Variants in NDUFB6 observed in about 807,000 individuals in gnomAD.
NDUFB6 encodes the protein NADH:ubiquinone oxidoreductase subunit B6.
NDUFB6 carries 23 observed loss-of-function variants against 17.5 expected under a neutral mutation model. The observed-to-expected ratio is 1.31, with a 90% CI of 0.94 to 1.86. The LOEUF is 1.86. NDUFB6 is among the 40% of genes most tolerant of loss of function. The pLI is 0.00. For synonymous variants in NDUFB6, 60 were observed against 53.5 expected (o/e 1.12, Z -0.53); for missense variants, 167 against 153.8 (o/e 1.09, Z -0.46).
At position 32,566,905 on chromosome 9, in the gene NDUFB6, C is replaced by T. The variant is rs190703497; in HGVS notation, c.273+4055G>A. 1,135 of 559,866 alleles carry T rather than the reference C, an allele frequency of 2.0e-3. 2 individuals are homozygous for T. Among genetic ancestry groups the T allele is most frequent in the Non-Finnish European group, 3.3e-3 (1,005 of 301,246 alleles). The allele number at this position is 559,866 out of a possible 1,614,324, so 34.7% of individuals were successfully genotyped here. Reference sequence around the variant, plus strand: ...CTGGCGAAAAGCACTGAGGAAGCACCCGATGTCACTCACATAGCCCTGCCA... The same window carrying T: ...CTGGCGAAAAGCACTGAGGAAGCACTCGATGTCACTCACATAGCCCTGCCA... On this transcript the variant is annotated intron_variant, in intron 2 of 3. Transcript: ENST00000379847.
intron 3 of NDUFB6, among the ~76,000 whole-genome samples, chr9:32,556,091 G>T (rs78722312): frequency 1.5e-4 from 4 of 27,530 alleles, no homozygotes; most frequent in Non-Finnish European, 3.9e-4. Context: ...ATTTGGGGCC[G>T]GGGTGCAATG....
intron 3 of NDUFB6, among the ~76,000 whole-genome samples, chr9:32,557,040 T>C (rs1290955597): frequency 2.7e-5 from 4 of 149,994 alleles, no homozygotes; most frequent in Non-Finnish European, 3.0e-5. Context: ...TTATTAATAG[T>C]AGAGATGGAG....
intron 2 of NDUFB6, among the ~76,000 whole-genome samples, chr9:32,568,817 C>G (rs1220381034): frequency 2.2e-5 from 3 of 138,746 alleles, no homozygotes; most frequent in Admixed American, 7.8e-5. Flanking sequence ...GTGGTGCAAT[C>G]TCAGCTCACT....
chr9:32,566,801 G>C, intron 2 of NDUFB6: 1 of 894,322 alleles, frequency 1.1e-6, no homozygotes, highest in Non-Finnish European at 1.8e-6. Flanking sequence ...ACAGGAGGTC[G>C]GCCAGCAGTC....
At chr9:32,562,264 T>G (rs1821647409) in intron 2 of NDUFB6, among the ~76,000 whole-genome samples, 1 of 152,248 alleles carries the variant, frequency 6.6e-6, no homozygotes, top group Non-Finnish European at 1.5e-5. Flanking sequence ...GTCTTGTATA[T>G]TCTTTCTATA....
At chr9:32,555,359 A>C (rs1186058462) in intron 3 of NDUFB6, among the ~76,000 whole-genome samples, 1 of 152,270 alleles carries the variant, frequency 6.6e-6, no homozygotes, top group African/African-American at 2.4e-5. Context: ...AATAAAACTC[A>C]AACAGAGGGA....
Position 32,571,058 on chromosome 9 carries a change from G to C in NDUFB6, c.181-6C>G. 1 of 1,571,718 alleles carries C rather than the reference G, an allele frequency of 6.4e-7. No homozygotes were observed. Among genetic ancestry groups the C allele is most frequent in the Non-Finnish European group, 8.7e-7 (1 of 1,150,922 alleles). On this transcript the variant is annotated splice_polypyrimidine_tract_variant and splice_region_variant and intron_variant, in intron 1 of 3. Coordinates refer to ENST00000379847, the MANE Select transcript of NDUFB6 (RefSeq NM_002493.5). ...TTTTTGTATACCCCATGGACCTGGG[G>C]GGAAAAACACATACACAAAATAAAC... is the stretch of plus-strand genomic sequence containing the variant.
chr9:32,568,748 A>ATTTTTTT (rs869080203), intron 2 of NDUFB6: 5 of 114,400 alleles, frequency 4.4e-5, no homozygotes, highest in African/African-American at 1.6e-4. Flanking sequence ...ATATATATAT[A>ATTTTTTT]TTTTTTTTTT....
chr9:32,558,137 A>C (rs1821522966), intron 3 of NDUFB6, among the ~76,000 whole-genome samples: 2 of 41,000 alleles, frequency 4.9e-5, no homozygotes, highest in Admixed American at 2.0e-4. Context: ...TTTGAGACGG[A>C]GTCTCGCTCT....
chr9:32,568,836 C>T (rs1325107098), intron 2 of NDUFB6, among the ~76,000 whole-genome samples: 3 of 148,676 alleles, frequency 2.0e-5, no homozygotes, highest in African/African-American at 5.0e-5. Flanking sequence ...CTGCAACCTC[C>T]GCCTCCCGGG....
intron 2 of NDUFB6, among the ~76,000 whole-genome samples, 190 bp from the exon 3 acceptor site, chr9:32,559,144 C>T (rs1020306844): frequency 1.3e-5 from 2 of 152,214 alleles, no homozygotes; most frequent in East Asian, 1.9e-4. Flanking sequence ...CCAGGTCCCA[C>T]ACTTAACTTC....
At chr9:32,565,296 A>C (rs1323612316) in intron 2 of NDUFB6, 1 of 152,128 alleles carries the variant, frequency 6.6e-6, no homozygotes, top group Non-Finnish European at 1.5e-5. Flanking sequence ...TGTCTCAAAA[A>C]AAAAAAAGAA....
At chr9:32,566,511 G>A (rs1266021506) in intron 2 of NDUFB6, 1 of 773,666 alleles carries the variant, frequency 1.3e-6, no homozygotes, top group Admixed American at 1.8e-5. Context: ...CCGGTGTGCA[G>A]AGACGGCTGC....
intron 2 of NDUFB6, chr9:32,567,392 G>C (rs536103476): frequency 6.0e-5 from 28 of 464,164 alleles, no homozygotes; most frequent in Non-Finnish European, 1.1e-4. Flanking sequence ...GCAGTGGTGC[G>C]ATCTTGGCTC....
chr9:32,554,779 A>C (rs1385438622), intron 3 of NDUFB6, among the ~76,000 whole-genome samples: 1 of 152,264 alleles, frequency 6.6e-6, no homozygotes, highest in African/African-American at 2.4e-5. Flanking sequence ...GCTGTAATAA[A>C]AATCAAGCTA....
intron 2 of NDUFB6, among the ~76,000 whole-genome samples, chr9:32,560,469 C>T (rs1821594907): frequency 6.6e-6 from 1 of 152,168 alleles, no homozygotes. Context: ...GTGAATGTGT[C>T]AACTTTTAAA....
intron 2 of NDUFB6, chr9:32,566,765 G>C (rs552680934): frequency 2.2e-6 from 2 of 902,166 alleles, no homozygotes; most frequent in Admixed American, 1.7e-5. Flanking sequence ...CCCGGGTGTC[G>C]GCTGCGACGT....
chr9:32,554,517 T>C (rs1821401123), intron 3 of NDUFB6, among the ~76,000 whole-genome samples: 1 of 152,194 alleles, frequency 6.6e-6, no homozygotes, highest in Non-Finnish European at 1.5e-5. Context: ...TTAAGACAGA[T>C]TATTCAATTT....
At chr9:32,554,423 T>G (rs190928945) in intron 3 of NDUFB6, among the ~76,000 whole-genome samples, 1 of 152,220 alleles carries the variant, frequency 6.6e-6, no homozygotes, top group Non-Finnish European at 1.5e-5. Flanking sequence ...ATTCTTGATA[T>G]AGATGTGGGC....
Sources: gnomAD v4.1 joint callset for allele counts (sites outside exome capture counted in the v4.1 genomes callset) on GRCh38, gnomAD v4.1.1 for gene constraint, MANE v1.5 for transcripts, NCBI Gene and HGNC (gene_info 2026-07-23, HGNC 2026-07-21) for gene names.